SLC25A13: variants seen among roughly 807,000 people sequenced by gnomAD.
SLC25A13 encodes solute carrier family 25 member 13.
In SLC25A13, 70 loss-of-function variants were observed where a neutral mutation model predicts 85.5. That is an observed-to-expected ratio of 0.82 (90% confidence interval 0.68 to 1.00). The LOEUF (loss-of-function observed/expected upper bound fraction) is 1.00, where lower values mean the gene tolerates loss of function less well. Ranked by LOEUF, SLC25A13 falls within the 50% of genes least tolerant of loss-of-function variation. SLC25A13 has a pLI of 0.00. For missense variants in SLC25A13, 765 were observed against 819.8 expected (o/e 0.93, Z 0.82); for synonymous variants, 259 against 288.7 (o/e 0.90, Z 1.04).
rs1416305131 is a variant in SLC25A13, at chr7:96,120,424, A to G, written c.*767T>C. On this transcript the variant is annotated 3_prime_UTR_variant, in exon 18 of 18. Transcript: ENST00000265631. Reference sequence around the variant, plus strand: ...GCAACAGGGCAACATGCATTTTTCAAGAGTGTTTATTAAAATAGGCAGTAA... The same window carrying G: ...GCAACAGGGCAACATGCATTTTTCAGGAGTGTTTATTAAAATAGGCAGTAA... 2.9e-5 allele frequency: 13 copies of G among 454,208 alleles called. No homozygotes were observed. The East Asian group carries it at 8.3e-4, about 29-fold the overall frequency. The allele number at this position is 454,208 out of a possible 1,614,324, so 28.1% of individuals were successfully genotyped here. A position where few individuals can be genotyped will look rare whatever the true frequency, so the allele number is the denominator to read the frequency against.
chr7:96,305,683 A>T (rs181592314), intron 1 of SLC25A13, among the ~76,000 whole-genome samples: 1 of 152,364 alleles, frequency 6.6e-6, no homozygotes, highest in East Asian at 1.9e-4. Flanking sequence ...GAAAAGCTCT[A>T]CTTAGGAGAT....
intron 2 of SLC25A13, among the ~76,000 whole-genome samples, chr7:96,288,637 C>T (rs995499299): frequency 1.7e-4 from 26 of 152,316 alleles, no homozygotes; most frequent in Admixed American, 1.2e-3. Context: ...GCGCCTCGCT[C>T]GGAGGGTCCC....
At chr7:96,181,623 G>T (rs1333409694) in intron 11 of SLC25A13, among the ~76,000 whole-genome samples, 6 of 152,192 alleles carry the variant, frequency 3.9e-5, no homozygotes, top group Non-Finnish European at 8.8e-5. Context: ...TAATTTTAAA[G>T]TAGGAGAAAG....
intron 1 of SLC25A13, among the ~76,000 whole-genome samples, chr7:96,319,568 C>T (rs1405053776): frequency 6.8e-6 from 1 of 147,638 alleles, no homozygotes; most frequent in Non-Finnish European, 1.5e-5. Context: ...AAAAACTGCT[C>T]TCAGAGAGCA....
At chr7:96,257,779 C>T (rs906610607) in intron 3 of SLC25A13, among the ~76,000 whole-genome samples, 19 of 152,150 alleles carry the variant, frequency 1.2e-4, no homozygotes, top group African/African-American at 4.3e-4. Flanking sequence ...AAATTGCAGG[C>T]CAATATCCCT....
intron 15 of SLC25A13, among the ~76,000 whole-genome samples, chr7:96,128,945 T>G (rs866800863): frequency 0.019 from 2,655 of 136,344 alleles, 100 homozygotes; most frequent in African/African-American, 0.073. Context: ...GCTTGCTCTC[T>G]CTCTCTCTCT....
intron 9 of SLC25A13, among the ~76,000 whole-genome samples, chr7:96,185,477 T>C (rs1794598126): frequency 6.6e-6 from 1 of 152,124 alleles, no homozygotes; most frequent in Non-Finnish European, 1.5e-5. Flanking sequence ...CATGTGCCTG[T>C]AGTCTCAGCT....
chr7:96,276,342 C>T (rs1385741106), intron 3 of SLC25A13, among the ~76,000 whole-genome samples: 1 of 152,152 alleles, frequency 6.6e-6, no homozygotes, highest in Non-Finnish European at 1.5e-5. Flanking sequence ...AAGCAGAAGG[C>T]CAGATAAAGT....
chr7:96,235,177 A>G (rs1796700613), intron 3 of SLC25A13, among the ~76,000 whole-genome samples: 2 of 152,262 alleles, frequency 1.3e-5, no homozygotes, highest in African/African-American at 4.8e-5. Context: ...TGTTTTATCC[A>G]GCATCATATA....
intron 14 of SLC25A13, 136 bp downstream of exon 14, chr7:96,146,420 G>A: frequency 9.1e-7 from 1 of 1,103,386 alleles, no homozygotes; most frequent in Non-Finnish European, 1.3e-6. Flanking sequence ...GCATGAAGGT[G>A]CCTCTGCAGC....
intron 2 of SLC25A13, among the ~76,000 whole-genome samples, chr7:96,294,935 T>C (rs545421749): frequency 2.0e-5 from 3 of 152,360 alleles, no homozygotes; most frequent in African/African-American, 7.2e-5. Flanking sequence ...TCTTTATTTC[T>C]CCTTTACTTA....
At chr7:96,132,544 C>A (rs966480254) in intron 14 of SLC25A13, among the ~76,000 whole-genome samples, 1 of 152,134 alleles carries the variant, frequency 6.6e-6, no homozygotes, top group Non-Finnish European at 1.5e-5. Context: ...TCAGTTCCTA[C>A]AGCAAAGTCT....
At chr7:96,252,742 A>G (rs1198305360) in intron 3 of SLC25A13, among the ~76,000 whole-genome samples, 2 of 152,138 alleles carry the variant, frequency 1.3e-5, no homozygotes, top group South Asian at 2.1e-4. Flanking sequence ...AGATCGTAAC[A>G]AGGGCAGATT....
intron 13 of SLC25A13, among the ~76,000 whole-genome samples, chr7:96,147,613 C>T (rs923021832): frequency 6.6e-6 from 1 of 152,168 alleles, no homozygotes; most frequent in Non-Finnish European, 1.5e-5. Flanking sequence ...TTTATATCAT[C>T]CAAACTATAC....
intron 9 of SLC25A13, among the ~76,000 whole-genome samples, chr7:96,188,542 C>T (rs1399962823): frequency 2.6e-5 from 4 of 152,124 alleles, no homozygotes; most frequent in Admixed American, 6.5e-5. Flanking sequence ...AGAAATTTTT[C>T]TAAAAACGAC....
intron 15 of SLC25A13, 50 bp downstream of exon 15, chr7:96,131,693 G>C (rs750844927): frequency 1.1e-5 from 17 of 1,612,052 alleles, no homozygotes; most frequent in Admixed American, 3.3e-5. Context: ...GCTAGGGAAG[G>C]GGGGCAGCAA....
upstream of SLC25A13, chr7:96,322,098 TC>T: frequency 1.7e-6 from 2 of 1,200,496 alleles, no homozygotes; most frequent in Non-Finnish European, 2.3e-6. Context: ...CTGGCCTGCC[TC>T]CCCACGCCCT....
At chr7:96,209,020 A>C (rs753630822) in intron 4 of SLC25A13, 43 bp from the exon 5 acceptor site, 32 of 1,600,450 alleles carry the variant, frequency 2.0e-5, no homozygotes, top group Non-Finnish European at 2.7e-5. Flanking sequence ...AAGTAAATGA[A>C]GTTCTTTCTG....
chr7:96,319,828 A>G (rs1562975506), intron 1 of SLC25A13, among the ~76,000 whole-genome samples: 1 of 152,170 alleles, frequency 6.6e-6, no homozygotes, highest in Non-Finnish European at 1.5e-5. Flanking sequence ...GTGAGTGCAA[A>G]TGAAGACATA....
Sources: allele counts gnomAD v4.1 joint callset (sites outside exome capture counted in the v4.1 genomes callset), GRCh38; gene constraint gnomAD v4.1.1; transcripts MANE v1.5; gene names NCBI Gene and HGNC (gene_info 2026-07-23, HGNC 2026-07-21).